DOCK9: variants seen among roughly 807,000 people sequenced by gnomAD.
DOCK9 encodes dedicator of cytokinesis 9.
Under a neutral mutation model 263.3 loss-of-function variants are expected in DOCK9, and 89 were observed. The observed-to-expected ratio is 0.34, with a 90% CI of 0.28 to 0.40. The LOEUF (loss-of-function observed/expected upper bound fraction) is 0.40, where lower values mean the gene tolerates loss of function less well. DOCK9 is among the 10% of genes least tolerant of loss of function. The pLI is 1.00. For synonymous variants in DOCK9, 976 were observed against 973.1 expected, an observed-to-expected ratio of 1.00 and a Z score of -0.06; for missense variants, 2,140 against 2,603.4, an observed-to-expected ratio of 0.82 and a Z score of 3.87.
At chr13:99,053,446 A>C (rs960618130) in intron 1 of DOCK9, among the ~76,000 whole-genome samples, 15 of 152,232 alleles carry the variant, frequency 9.9e-5, no homozygotes, top group Admixed American at 8.5e-4. Context: ...AAAACTTAGA[A>C]TATAAATTTA....
chr13:98,863,340 T>C (rs2093930097), intron 31 of DOCK9, 30 bp downstream of exon 31: 30 of 1,604,086 alleles, frequency 1.9e-5, no homozygotes, highest in Non-Finnish European at 2.5e-5. Flanking sequence ...ACATTATCAA[T>C]GCACATTCCT....
chr13:98,985,209 C>T (rs569818623), intron 1 of DOCK9, among the ~76,000 whole-genome samples: 15 of 152,162 alleles, frequency 9.9e-5, no homozygotes, highest in African/African-American at 2.9e-4. Context: ...GTCAGGCTGA[C>T]GAAGGACACA....
At chr13:98,925,582 T>C (rs987196096) in intron 4 of DOCK9, among the ~76,000 whole-genome samples, 3 of 152,238 alleles carry the variant, frequency 2.0e-5, no homozygotes, top group South Asian at 4.1e-4. Flanking sequence ...ACCTATTTAT[T>C]TATCAGTGGT....
At chr13:98,826,798 T>G (rs1367088836) in intron 44 of DOCK9, 32 bp downstream of exon 44, 1 of 1,559,284 alleles carries the variant, frequency 6.4e-7, no homozygotes, top group East Asian at 2.3e-5. Flanking sequence ...TTATACTAAT[T>G]AATTTCACAA....
At chr13:99,043,399 G>A (rs1013279168) in intron 1 of DOCK9, among the ~76,000 whole-genome samples, 3 of 151,920 alleles carry the variant, frequency 2.0e-5, no homozygotes, top group Admixed American at 6.6e-5. Flanking sequence ...CACCCATCCC[G>A]GAGGCACCCC....
intron 14 of DOCK9, 71 bp from the exon 15 acceptor site, chr13:98,897,681 G>C (rs2047640547): frequency 2.5e-6 from 4 of 1,569,230 alleles, no homozygotes; most frequent in Non-Finnish European, 2.6e-6. Context: ...TTTAAGTCTA[G>C]TTTCTATGAG....
At chr13:98,929,648 A>T (rs2053604285) in intron 3 of DOCK9, among the ~76,000 whole-genome samples, 1 of 151,700 alleles carries the variant, frequency 6.6e-6, no homozygotes, top group South Asian at 2.1e-4. Flanking sequence ...ATGTATCTTG[A>T]TTAGGAATAT....
intron 1 of DOCK9, chr13:99,086,126 T>C: frequency 7.4e-7 from 1 of 1,360,416 alleles, no homozygotes; most frequent in Non-Finnish European, 9.4e-7. Flanking sequence ...TCGGCCGCTC[T>C]GCCTCAGCCC....
intron 1 of DOCK9, among the ~76,000 whole-genome samples, chr13:99,035,583 A>C (rs1486778231): frequency 6.6e-6 from 1 of 152,236 alleles, no homozygotes; most frequent in Non-Finnish European, 1.5e-5. Context: ...ACTATGTGGA[A>C]AATGGCAGAG....
In DOCK9 at chr13:98,825,189, T is replaced by C. The variant is rs989353130; in HGVS notation, c.5024-685A>G. Among the ~76,000 whole-genome samples, 6 of 152,212 alleles carry C rather than the reference T, an allele frequency of 3.9e-5. No homozygotes were observed. Among genetic ancestry groups the C allele is most frequent in the Non-Finnish European group, 7.3e-5 (5 of 68,036 alleles). On this transcript the variant is annotated intron_variant, in intron 44 of 52. Coordinates refer to ENST00000682017, the MANE Select transcript of DOCK9 (RefSeq NM_001366683.2). The surrounding 1 kb of genome is among the most constrained non-coding windows in gnomAD (Gnocchi z 4.1). The stretch of plus-strand genomic sequence containing the variant: ...GGATAAGGATGTGTTTCTTAAGCAA[T>C]GACAGCCCATTTGGGACCTTTCCTC...
chr13:98,942,082 TC>T (rs2055955725), intron 2 of DOCK9, among the ~76,000 whole-genome samples: 1 of 152,182 alleles, frequency 6.6e-6, no homozygotes, highest in Non-Finnish European at 1.5e-5. Context: ...AAATCTTGGG[TC>T]CTGTCACTAC....
chr13:99,014,028 A>T (rs998650312), intron 1 of DOCK9, among the ~76,000 whole-genome samples: 103 of 152,374 alleles, frequency 6.8e-4, no homozygotes, highest in African/African-American at 2.4e-3. Flanking sequence ...GACAGGATGC[A>T]TGACAGCAGT....
rs765971159 is a variant in DOCK9 at position 98,967,919 on chromosome 13, C to A, written c.126+9865G>T. On this transcript the variant is annotated intron_variant, in intron 1 of 52. Transcript: ENST00000682017. ...TACCATCAAATATTTCAAGGCATGA[C>A]CTTTGTAAGGAAAACTCACATTTAA... Among the ~76,000 whole-genome samples the A allele has an allele frequency of 7.0e-4, 107 of 152,072 alleles. 1 individual carries two copies. Among genetic ancestry groups the A allele is most frequent in the Non-Finnish European group, 1.3e-3 (87 of 68,030 alleles).
rs1287362885 is a variant in DOCK9 at position 98,807,724 on chromosome 13, G to A, written c.5451C>T (p.Leu1817=). The change falls in exon 48 of 53, where the codon CTC becomes CTT. Residue 1817 remains leucine, a synonymous_variant. Coordinates refer to ENST00000682017, the MANE Select transcript of DOCK9 (RefSeq NM_001366683.2). ...CAAATTTATCCGAGTACAGTTTAAG[G>A]AGTCTCTGAGAAATTTCCGACAGCG... is the stretch of plus-strand genomic sequence containing the variant. ...LTPLSEISQR[L]LKLYSDKFGS... is the part of the protein sequence containing the mutation. The A allele has an allele frequency of 3.1e-6, 5 of 1,613,608 alleles. No homozygotes were observed. In the East Asian group the frequency reaches 8.9e-5, roughly 29 times the overall value.
At chr13:98,848,287 G>A (rs1010682782) in intron 37 of DOCK9, among the ~76,000 whole-genome samples, 1 of 152,180 alleles carries the variant, frequency 6.6e-6, no homozygotes, top group Non-Finnish European at 1.5e-5. Flanking sequence ...GGGGAGAAGA[G>A]GATGGGAAGG....
chr13:98,872,391 G>A (rs781388487), intron 27 of DOCK9, among the ~76,000 whole-genome samples: 1 of 146,844 alleles, frequency 6.8e-6, no homozygotes, highest in Non-Finnish European at 1.5e-5. Context: ...CTACAACTTG[G>A]TTTTGTTTTT....
chr13:98,976,387 T>G (rs1227366529), intron 1 of DOCK9, among the ~76,000 whole-genome samples: 1 of 117,078 alleles, frequency 8.5e-6, no homozygotes, highest in Non-Finnish European at 1.9e-5. Flanking sequence ...AAGTCACTTG[T>G]GTGCTTAAAA....
Position 98,851,981 on chromosome 13 carries a change from G to A in DOCK9, c.3946+1427C>T, listed in dbSNP as rs73555202. On this transcript the variant is annotated intron_variant, in intron 35 of 52. Coordinates refer to ENST00000682017, the MANE Select transcript of DOCK9 (RefSeq NM_001366683.2). Reference sequence around the variant, plus strand: ...ATTCTAAAATTGTTTTGAAGAGGTGGTTGCATTTTAAAAATATGTGTATGA... The same window carrying A: ...ATTCTAAAATTGTTTTGAAGAGGTGATTGCATTTTAAAAATATGTGTATGA... 6.6e-3 allele frequency among the ~76,000 whole-genome samples: 998 copies of A among 152,210 alleles called. 10 individuals are homozygous for A. The highest frequency in any genetic ancestry group is 0.023 in the African/African-American group (970 of 41,536).
At chr13:98,839,681 G>A (rs1348294230) in intron 38 of DOCK9, among the ~76,000 whole-genome samples, 1 of 152,272 alleles carries the variant, frequency 6.6e-6, no homozygotes, top group Non-Finnish European at 1.5e-5. Context: ...TTACCAATGA[G>A]ATGGCCTGAA....
Sources: gnomAD v4.1 joint callset for allele counts (sites outside exome capture counted in the v4.1 genomes callset) on GRCh38, gnomAD v4.1.1 for gene constraint, Gnocchi (gnomAD v3.1) non-coding constraint, MANE v1.5 for transcripts, NCBI Gene and HGNC (gene_info 2026-07-23, HGNC 2026-07-21) for gene names.